SORCS1: variants seen among roughly 807,000 people sequenced by gnomAD.
SORCS1 encodes the protein sortilin related VPS10 domain containing receptor 1, also known as VPS10 domain-containing receptor SorCS1.
A neutral mutation model predicts 146.1 loss-of-function variants in SORCS1; 60 were observed. The ratio of observed to expected loss-of-function variants is 0.41; its 90% CI spans 0.33 to 0.51. The LOEUF (loss-of-function observed/expected upper bound fraction) is 0.51. SORCS1 is among the 20% of genes least tolerant of loss of function. SORCS1 has a pLI of 0.21. For synonymous variants in SORCS1, 637 were observed against 584.0 expected (o/e 1.09, Z -1.31); for missense variants, 1,352 against 1,487.6 (o/e 0.91, Z 1.50).
chr10:106,643,767 T>C lies in SORCS1; in HGVS notation c.2475+8615A>G, dbSNP rs182964291. Among the ~76,000 whole-genome samples, 112 of 152,394 alleles carry C rather than the reference T, an allele frequency of 7.3e-4. No individual in the cohort carries two copies. The East Asian group carries it at 0.015, about 20-fold the overall frequency. ...CAACCCAGTGTGAGATGCCTGATGATGATCTTTATTACATGGAAAGCAGAG... is the reference window on the plus strand; with the variant it reads ...CAACCCAGTGTGAGATGCCTGATGACGATCTTTATTACATGGAAAGCAGAG... On this transcript the variant is annotated intron_variant, in intron 18 of 25. Transcript: ENST00000263054.
intron 1 of SORCS1, 84 bp downstream of exon 1, chr10:107,163,885 C>T (rs1969893798): frequency 1.4e-6 from 2 of 1,442,906 alleles, no homozygotes; most frequent in Non-Finnish European, 1.9e-6. Flanking sequence ...ACCCTATTTC[C>T]CCCCAATTCT....
chr10:106,970,905 ATTT>A (rs34657393), intron 1 of SORCS1, among the ~76,000 whole-genome samples: 5,154 of 96,402 alleles, frequency 0.053, 355 homozygotes, highest in African/African-American at 0.18. Context: ...TGCACAGCTA[ATTT>A]TTTTTTTTTT....
intron 4 of SORCS1, among the ~76,000 whole-genome samples, chr10:106,769,583 A>C (rs977443565): frequency 2.0e-5 from 3 of 152,152 alleles, no homozygotes; most frequent in African/African-American, 7.2e-5. Flanking sequence ...CATGTAGAAT[A>C]GATATGAAAC....
At chr10:106,876,714 A>G (rs1950600396) in intron 2 of SORCS1, among the ~76,000 whole-genome samples, 1 of 152,202 alleles carries the variant, frequency 6.6e-6, no homozygotes, top group African/African-American at 2.4e-5. Context: ...CTGTTCAGAG[A>G]TTGCTTGGGA....
At chr10:107,077,570 T>C (rs751343384) in intron 1 of SORCS1, among the ~76,000 whole-genome samples, 4 of 151,234 alleles carry the variant, frequency 2.6e-5, no homozygotes, top group Admixed American at 6.6e-5. Context: ...AGATTTGTTA[T>C]ATAGCAAGCA....
chr10:107,132,589 C>T (rs938121322), intron 1 of SORCS1, among the ~76,000 whole-genome samples: 8 of 152,096 alleles, frequency 5.3e-5, no homozygotes, highest in Admixed American at 1.3e-4. Context: ...AGTTTATCTC[C>T]GTACTGTCAA....
intron 1 of SORCS1, among the ~76,000 whole-genome samples, chr10:107,065,624 C>G (rs1383377133): frequency 1.3e-5 from 2 of 151,256 alleles, no homozygotes; most frequent in Non-Finnish European, 2.9e-5. Flanking sequence ...CTCAAGCGAT[C>G]CTCCCACCTC....
At chr10:107,016,624 ATTTC>A (rs1957909581) in intron 1 of SORCS1, among the ~76,000 whole-genome samples, 1 of 152,270 alleles carries the variant, frequency 6.6e-6, no homozygotes, top group Non-Finnish European at 1.5e-5. Flanking sequence ...GTAAACAAGG[ATTTC>A]TTTAATAGGA....
chr10:106,731,830 ACAGT>A (rs1856621939), intron 5 of SORCS1, among the ~76,000 whole-genome samples: 1 of 152,164 alleles, frequency 6.6e-6, no homozygotes, highest in African/African-American at 2.4e-5. Flanking sequence ...TATATAACAG[ACAGT>A]CAAATGTGAA....
At chr10:106,732,702 G>C (rs1183827057) in intron 5 of SORCS1, among the ~76,000 whole-genome samples, 1 of 152,204 alleles carries the variant, frequency 6.6e-6, no homozygotes, top group Non-Finnish European at 1.5e-5. Flanking sequence ...GCTGGATTCA[G>C]TGTAGCTTTC....
chr10:107,053,451 T>C (rs956264735), intron 1 of SORCS1, among the ~76,000 whole-genome samples: 7 of 152,164 alleles, frequency 4.6e-5, no homozygotes, highest in African/African-American at 1.7e-4. Flanking sequence ...GGTACGTAGT[T>C]GTATATAAAC....
At chr10:106,611,207 C>A (rs1846963854) in intron 22 of SORCS1, among the ~76,000 whole-genome samples, 1 of 152,092 alleles carries the variant, frequency 6.6e-6, no homozygotes, top group Non-Finnish European at 1.5e-5. Flanking sequence ...CTCTGAGAAA[C>A]CTTAGGAAGC....
chr10:106,917,483 T>A (rs1020650127), intron 2 of SORCS1, among the ~76,000 whole-genome samples: 1 of 152,196 alleles, frequency 6.6e-6, no homozygotes, highest in Non-Finnish European at 1.5e-5. Context: ...GTATCCCCGA[T>A]GGTACTAAAC....
intron 1 of SORCS1, among the ~76,000 whole-genome samples, chr10:107,028,078 G>A (rs1038931738): frequency 3.3e-5 from 5 of 152,170 alleles, no homozygotes; most frequent in East Asian, 1.9e-4. Context: ...TCTTCTTGTC[G>A]TATTTTATCG....
At chr10:106,802,501 T>G (rs1946953582) in intron 3 of SORCS1, among the ~76,000 whole-genome samples, 1 of 150,576 alleles carries the variant, frequency 6.6e-6, no homozygotes, top group Non-Finnish European at 1.5e-5. Flanking sequence ...CCAGCTAATT[T>G]TTTTTTTTTT....
intron 1 of SORCS1, among the ~76,000 whole-genome samples, chr10:107,100,060 C>T (rs1008430253): frequency 1.3e-5 from 2 of 152,210 alleles, no homozygotes; most frequent in East Asian, 1.9e-4. Context: ...TTCTGGGTCA[C>T]ATAAACCATC....
intron 2 of SORCS1, among the ~76,000 whole-genome samples, chr10:106,876,852 T>C (rs542414014): frequency 2.6e-5 from 4 of 151,872 alleles, no homozygotes; most frequent in Admixed American, 2.6e-4. Context: ...CTCTTGCAAA[T>C]ACTACCAACA....
chr10:107,010,131 ATGTT>A (rs1391410890), intron 1 of SORCS1, among the ~76,000 whole-genome samples: 1 of 152,234 alleles, frequency 6.6e-6, no homozygotes, highest in African/African-American at 2.4e-5. Context: ...CTGTTTTCAA[ATGTT>A]TGTTCATCAA....
At chr10:106,877,068 G>A (rs1367460921) in intron 2 of SORCS1, among the ~76,000 whole-genome samples, 1 of 152,034 alleles carries the variant, frequency 6.6e-6, no homozygotes, top group Non-Finnish European at 1.5e-5. Flanking sequence ...GAGAATCACT[G>A]GTTATTTTTA....
Sources: gnomAD v4.1 joint callset for allele counts (sites outside exome capture counted in the v4.1 genomes callset) on GRCh38, gnomAD v4.1.1 for gene constraint, MANE v1.5 for transcripts, NCBI Gene and HGNC (gene_info 2026-07-23, HGNC 2026-07-21) for gene names.